The following SLC10A7 variants were observed in gnomAD, a reference collection of about 807,000 sequenced individuals.
SLC10A7 encodes solute carrier family 10 member 7.
Under a neutral mutation model 43.2 loss-of-function variants are expected in SLC10A7, and 29 were observed. The ratio of observed to expected loss-of-function variants is 0.67; its 90% CI spans 0.50 to 0.92. The LOEUF is 0.92. SLC10A7 is among the 40% of genes least tolerant of loss of function. The probability of loss-of-function intolerance (pLI) is 0.00; values close to 1 mark genes in which losing one functional copy is unlikely to be tolerated. For synonymous variants in SLC10A7, 152 were observed against 144.8 expected, an observed-to-expected ratio of 1.05 and a Z score of -0.35; for missense variants, 295 against 403.2, an observed-to-expected ratio of 0.73 and a Z score of 2.30.
At chr4:146,517,765 C>T (rs915144638) in intron 1 of SLC10A7, among the ~76,000 whole-genome samples, 4 of 152,082 alleles carry the variant, frequency 2.6e-5, no homozygotes, top group Non-Finnish European at 4.4e-5. Context: ...AATCAAAATA[C>T]CCCCGAGCCC....
intron 5 of SLC10A7, among the ~76,000 whole-genome samples, chr4:146,388,497 G>T (rs144320942): frequency 6.6e-6 from 1 of 152,256 alleles, no homozygotes; most frequent in East Asian, 1.9e-4. Context: ...GGTGGATCAC[G>T]CCTGTAATCC....
intron 4 of SLC10A7, among the ~76,000 whole-genome samples, chr4:146,492,203 G>A (rs989806104): frequency 2.6e-5 from 4 of 151,246 alleles, no homozygotes; most frequent in African/African-American, 9.7e-5. Context: ...CTGGGCGACA[G>A]AGCGAGTCTC....
chr4:146,325,909 G>A, intron 6 of SLC10A7, 52 bp downstream of exon 6: 1 of 1,500,056 alleles, frequency 6.7e-7, no homozygotes, highest in South Asian at 1.2e-5. Flanking sequence ...TTCTTAAAGG[G>A]TTGTAGATAG....
chr4:146,301,821 AG>A, intron 7 of SLC10A7, among the ~76,000 whole-genome samples: 1 of 152,188 alleles, frequency 6.6e-6, no homozygotes, highest in African/African-American at 2.4e-5. Context: ...ATACAAGAGG[AG>A]GGGCAGGTAG....
In SLC10A7 at chr4:146,401,660, T is replaced by C. The variant is rs560345911; in HGVS notation, c.435+41123A>G. Among the ~76,000 whole-genome samples the C allele has an allele frequency of 2.6e-5, 4 of 152,260 alleles. No homozygotes were observed. In the South Asian group the frequency reaches 8.3e-4, roughly 32 times the overall value. On this transcript the variant is annotated intron_variant, in intron 5 of 11. Coordinates refer to ENST00000335472, the MANE Select transcript of SLC10A7 (RefSeq NM_001029998.6). Reference sequence around the variant, plus strand: ...TGAGGAAACAGTGAACAAAAAGAGATAAGAGTCTTGCCCAAATTCACAGAG... The same window carrying C: ...TGAGGAAACAGTGAACAAAAAGAGACAAGAGTCTTGCCCAAATTCACAGAG...
rs779012836 is a variant in SLC10A7 at position 146,521,623 on chromosome 4, T to C, written c.95A>G (p.Asn32Ser). ...GGCAGAGGTGCAGCACTTACCCCCA[T>C]TCACCCCTATGGACGGCTCCAGTTT... The part of the protein sequence containing the change: ...GAKLEPSIGV[N>S]GGPLKPEITV... The change falls in exon 1 of 12, where the codon AAT (asparagine) becomes AGT (serine). Residue 32 changes from asparagine (N) to serine (S), a missense_variant. This residue lies in a region of SLC10A7 where 53 missense variants were observed against 40.7 expected (regional missense o/e 1.30). Coordinates refer to ENST00000335472, the MANE Select transcript of SLC10A7 (RefSeq NM_001029998.6). The C allele has an allele frequency of 2.1e-5, 34 of 1,613,606 alleles. 1 individual carries two copies. The highest frequency in any genetic ancestry group is 2.2e-5 in the East Asian group (1 of 44,878).
intron 4 of SLC10A7, among the ~76,000 whole-genome samples, chr4:146,471,150 C>T (rs888045549): frequency 1.1e-4 from 16 of 152,036 alleles, no homozygotes; most frequent in East Asian, 3.8e-4. Context: ...ATCTCTAATC[C>T]GAAAATCCAA....
At chr4:146,333,104 C>T (rs187900129) in intron 5 of SLC10A7, among the ~76,000 whole-genome samples, 1 of 152,234 alleles carries the variant, frequency 6.6e-6, no homozygotes, top group East Asian at 1.9e-4. Context: ...CAGTTCCCAC[C>T]AGAGAAAGCA....
At position 146,300,793 on chromosome 4, in the gene SLC10A7, A is replaced by G. The variant is rs943613539; in HGVS notation, c.555+5133T>C. Among the ~76,000 whole-genome samples the G allele has an allele frequency of 2.6e-5, 4 of 152,128 alleles. No individual in the cohort carries two copies. In the East Asian group the frequency reaches 5.8e-4, roughly 22 times the overall value. The stretch of plus-strand genomic sequence containing the variant: ...AAAAAGATATACTTTTTTTTCAGAT[A>G]TGTTTTTCAGGTGATGACTAGGAAA... On this transcript the variant is annotated intron_variant, in intron 7 of 11. Coordinates refer to ENST00000335472, the MANE Select transcript of SLC10A7 (RefSeq NM_001029998.6).
chr4:146,448,073 G>T lies in SLC10A7; in HGVS notation c.397-5252C>A, dbSNP rs560620929. 5.3e-5 allele frequency among the ~76,000 whole-genome samples: 8 copies of T among 152,068 alleles called. No individual in the cohort carries two copies. The East Asian group carries it at 5.8e-4, about 11-fold the overall frequency. Reference sequence around the variant, plus strand: ...CACACATCAGGGACTGTTGTGGGGTGGGGGGAGCGGTGAGGGATAGCATTA... The same window carrying T: ...CACACATCAGGGACTGTTGTGGGGTTGGGGGAGCGGTGAGGGATAGCATTA... On this transcript the variant is annotated intron_variant, in intron 4 of 11. Transcript: ENST00000335472.
At chr4:146,473,949 T>A (rs1206059267) in intron 4 of SLC10A7, among the ~76,000 whole-genome samples, 1 of 152,148 alleles carries the variant, frequency 6.6e-6, no homozygotes, top group Non-Finnish European at 1.5e-5. Flanking sequence ...GGCACAGTTA[T>A]CTCTGTTACC....
At chr4:146,426,802 G>T (rs1383438580) in intron 5 of SLC10A7, among the ~76,000 whole-genome samples, 3 of 152,160 alleles carry the variant, frequency 2.0e-5, no homozygotes, top group Non-Finnish European at 4.4e-5. Flanking sequence ...TTCAACCTGG[G>T]AGGCGGAGGT....
intron 5 of SLC10A7, among the ~76,000 whole-genome samples, chr4:146,409,334 CA>C (rs377385983): frequency 0.013 from 1,781 of 136,364 alleles, 26 homozygotes; most frequent in African/African-American, 0.042. Context: ...TATGGCACAT[CA>C]AAAAAAAAAA....
chr4:146,479,118 G>A (rs1470924064), intron 4 of SLC10A7, among the ~76,000 whole-genome samples: 1 of 151,990 alleles, frequency 6.6e-6, no homozygotes, highest in Non-Finnish European at 1.5e-5. Flanking sequence ...TACAGATTTG[G>A]ATAATGTATA....
chr4:146,421,022 G>A (rs977218407), intron 5 of SLC10A7, among the ~76,000 whole-genome samples: 1 of 151,990 alleles, frequency 6.6e-6, no homozygotes, highest in African/African-American at 2.4e-5. Flanking sequence ...GCAAGATCCT[G>A]TCTCCAAAAA....
chr4:146,381,360 C>T (rs1737610019), intron 5 of SLC10A7, among the ~76,000 whole-genome samples: 1 of 152,120 alleles, frequency 6.6e-6, no homozygotes, highest in Non-Finnish European at 1.5e-5. Context: ...GAACCCTCCC[C>T]TCACCCCCAG....
At chr4:146,340,923 T>C (rs1304803488) in intron 5 of SLC10A7, among the ~76,000 whole-genome samples, 3 of 151,826 alleles carry the variant, frequency 2.0e-5, no homozygotes, top group East Asian at 1.9e-4. Flanking sequence ...TTTAAGGAAA[T>C]TGAAAATCTA....
At chr4:146,485,682 G>C (rs1355281384) in intron 4 of SLC10A7, among the ~76,000 whole-genome samples, 1 of 152,206 alleles carries the variant, frequency 6.6e-6, no homozygotes, top group Admixed American at 6.5e-5. Flanking sequence ...GGAAATCCAA[G>C]AGAAAGTCCT....
chr4:146,395,641 C>T (rs1359497762), intron 5 of SLC10A7, among the ~76,000 whole-genome samples: 2 of 152,134 alleles, frequency 1.3e-5, no homozygotes, highest in African/African-American at 4.8e-5. Flanking sequence ...CATATATTTG[C>T]TCCCAACATA....
Sources: allele counts gnomAD v4.1 joint callset (sites outside exome capture counted in the v4.1 genomes callset), GRCh38; gene constraint gnomAD v4.1.1; regional missense constraint gnomAD v4.1.1; transcripts MANE v1.5; gene names NCBI Gene and HGNC (gene_info 2026-07-23, HGNC 2026-07-21).